ARHGAP10: variants seen among roughly 807,000 people sequenced by gnomAD.
The protein encoded by ARHGAP10 is Rho GTPase activating protein 10.
In ARHGAP10, 87 loss-of-function variants were observed where a neutral mutation model predicts 108.6. The observed-to-expected ratio is 0.80, with a 90% confidence interval of 0.67 to 0.96. ARHGAP10 has a LOEUF of 0.96. ARHGAP10 is among the 40% of genes least tolerant of loss of function. The pLI, the probability that ARHGAP10 is intolerant of heterozygous loss-of-function variation, is 0.00. For synonymous variants in ARHGAP10, 347 were observed against 341.1 expected, an observed-to-expected ratio of 1.02 and a Z score of -0.19; for missense variants, 939 against 954.5, an observed-to-expected ratio of 0.98 and a Z score of 0.21.
intron 18 of ARHGAP10, among the ~76,000 whole-genome samples, chr4:147,969,324 CTTTT>C (rs61078731): frequency 4.3e-5 from 4 of 93,866 alleles, no homozygotes; most frequent in African/African-American, 1.7e-4. Flanking sequence ...TTTGTTTTGC[CTTTT>C]TTTTTTTTTT....
At chr4:148,039,695 C>T (rs1728549494) in intron 19 of ARHGAP10, among the ~76,000 whole-genome samples, 1 of 151,868 alleles carries the variant, frequency 6.6e-6, no homozygotes, top group African/African-American at 2.4e-5. Context: ...TCTGCTTTTT[C>T]CATATGGGTG....
chr4:147,801,814 T>C (rs1296115699), intron 1 of ARHGAP10, among the ~76,000 whole-genome samples: 1 of 152,194 alleles, frequency 6.6e-6, no homozygotes, highest in Non-Finnish European at 1.5e-5. Flanking sequence ...TCCATGAAGC[T>C]TTTTTTCCTC....
At chr4:147,781,181 A>AC (rs1312677958) in intron 1 of ARHGAP10, among the ~76,000 whole-genome samples, 1 of 151,760 alleles carries the variant, frequency 6.6e-6, no homozygotes, top group African/African-American at 2.4e-5. Context: ...ACATGGTGAA[A>AC]CCCCGTCTCT....
intron 5 of ARHGAP10, among the ~76,000 whole-genome samples, chr4:147,860,429 C>G (rs969968099): frequency 1.3e-5 from 2 of 151,790 alleles, no homozygotes; most frequent in East Asian, 3.9e-4. Flanking sequence ...GCGACAGCTC[C>G]GTCTCAAAAA....
At chr4:147,852,411 A>G (rs1733906854) in intron 4 of ARHGAP10, among the ~76,000 whole-genome samples, 1 of 152,274 alleles carries the variant, frequency 6.6e-6, no homozygotes, top group Non-Finnish European at 1.5e-5. Flanking sequence ...GTGAGGATGA[A>G]GTTGAATTCT....
In ARHGAP10 at chr4:147,895,646, A is replaced by G. The variant is rs375392270; in HGVS notation, c.1035-10992A>G. On this transcript the variant is annotated intron_variant, in intron 10 of 22. Transcript: ENST00000336498. ...AGCTGCAGTGAGCCATAATCGTGTC[A>G]CTGTACTACAGCCTGGGCAACAGAG... Among the ~76,000 whole-genome samples, 3 of 151,292 alleles carry G rather than the reference A, an allele frequency of 2.0e-5. No individual in the cohort carries two copies. In the East Asian group the frequency reaches 5.8e-4, roughly 29 times the overall value.
chr4:147,881,649 G>A (rs180753405), intron 9 of ARHGAP10, among the ~76,000 whole-genome samples, 189 bp from the exon 10 acceptor site: 1 of 152,162 alleles, frequency 6.6e-6, no homozygotes, highest in African/African-American at 2.4e-5. Flanking sequence ...AAAAGAATCA[G>A]GAGAATGACA....
intron 1 of ARHGAP10, among the ~76,000 whole-genome samples, chr4:147,790,311 C>T (rs548405884): frequency 6.6e-6 from 1 of 152,240 alleles, no homozygotes; most frequent in South Asian, 2.1e-4. Flanking sequence ...TTAATCAACT[C>T]CCAGAGGTGC....
intron 1 of ARHGAP10, among the ~76,000 whole-genome samples, chr4:147,802,627 G>GCCAGCTCTGCTTCGCAGGAAA (rs1452047161): frequency 1.3e-5 from 2 of 152,208 alleles, no homozygotes; most frequent in Non-Finnish European, 2.9e-5. Context: ...ATTGCAGGTG[G>GCCAGCTCTGCTTCGCAGGAAA]CCAGCTCTGC....
intron 10 of ARHGAP10, among the ~76,000 whole-genome samples, chr4:147,901,444 T>G (rs1280114805): frequency 6.6e-6 from 1 of 152,230 alleles, no homozygotes; most frequent in Non-Finnish European, 1.5e-5. Flanking sequence ...GGAACTGTTT[T>G]GAGTTATCAT....
At chr4:147,766,625 T>C (rs1729827223) in intron 1 of ARHGAP10, among the ~76,000 whole-genome samples, 1 of 141,116 alleles carries the variant, frequency 7.1e-6, no homozygotes, top group African/African-American at 2.6e-5. Flanking sequence ...TGTATACACA[T>C]ATATATACGT....
intron 20 of ARHGAP10, among the ~76,000 whole-genome samples, chr4:148,049,610 G>A (rs1189095679): frequency 1.3e-5 from 2 of 151,810 alleles, no homozygotes; most frequent in Non-Finnish European, 2.9e-5. Context: ...TAATCTACAG[G>A]GAGCCTCTAA....
chr4:148,043,788 G>GTGTATATATATGTATATATATATGTA (rs1553975442), intron 19 of ARHGAP10, among the ~76,000 whole-genome samples: 7 of 143,510 alleles, frequency 4.9e-5, no homozygotes, highest in African/African-American at 1.8e-4. Context: ...ATATATATAT[G>GTGTATATATATGTATATATATATGTA]TATATATATA....
intron 1 of ARHGAP10, among the ~76,000 whole-genome samples, chr4:147,801,281 C>T (rs1265606438): frequency 6.6e-6 from 1 of 152,170 alleles, no homozygotes; most frequent in East Asian, 1.9e-4. Context: ...TCGTTAATTA[C>T]AGAACACAGA....
chr4:148,052,902 T>TG (rs1449225892), intron 20 of ARHGAP10, among the ~76,000 whole-genome samples: 1 of 151,962 alleles, frequency 6.6e-6, no homozygotes, highest in Non-Finnish European at 1.5e-5. Flanking sequence ...CCCTACCTCT[T>TG]GGGGGTCTGG....
intron 1 of ARHGAP10, among the ~76,000 whole-genome samples, chr4:147,758,012 C>T (rs192629793): frequency 2.6e-4 from 40 of 152,258 alleles, no homozygotes; most frequent in East Asian, 1.7e-3. Flanking sequence ...GTTTTATAAA[C>T]GTTACATTAG....
At chr4:147,911,993 A>ATATATGTGTGTG (rs1560822641) in intron 12 of ARHGAP10, among the ~76,000 whole-genome samples, 5 of 108,694 alleles carry the variant, frequency 4.6e-5, no homozygotes, top group East Asian at 2.6e-4. Context: ...AAGAACATTC[A>ATATATGTGTGTG]CGTGTGTGTG....
chr4:147,892,684 G>C (rs572867020), intron 10 of ARHGAP10, among the ~76,000 whole-genome samples: 1 of 152,298 alleles, frequency 6.6e-6, no homozygotes, highest in South Asian at 2.1e-4. Flanking sequence ...AGACTCAGAG[G>C]AAGGGGGGCC....
At chr4:147,808,253 A>G (rs1731866132) in intron 1 of ARHGAP10, among the ~76,000 whole-genome samples, 2 of 152,042 alleles carry the variant, frequency 1.3e-5, no homozygotes, top group South Asian at 4.2e-4. Flanking sequence ...GTTTTGGAGA[A>G]GGTGAGAGAA....
Sources: allele counts gnomAD v4.1 joint callset (sites outside exome capture counted in the v4.1 genomes callset), GRCh38; gene constraint gnomAD v4.1.1; transcripts MANE v1.5; gene names NCBI Gene and HGNC (gene_info 2026-07-23, HGNC 2026-07-21).